The following RNFT2 variants were observed in gnomAD, a reference collection of about 807,000 sequenced individuals.
RNFT2 encodes the protein ring finger protein, transmembrane 2, also known as E3 ubiquitin-protein ligase RNFT2.
A neutral mutation model predicts 53.0 loss-of-function variants in RNFT2; 36 were observed. The ratio of observed to expected loss-of-function variants is 0.68; its 90% confidence interval spans 0.52 to 0.90. The LOEUF is 0.90. Among genes scored for constraint, RNFT2 ranks in the 40% least tolerant of loss-of-function variants. RNFT2 has a pLI of 0.00. For missense variants in RNFT2, 514 were observed against 585.6 expected (o/e 0.88, Z 1.26); for synonymous variants, 260 against 253.2 (o/e 1.03, Z -0.26).
rs191450503 is a variant in RNFT2, at chr12:116,794,814, G to C, written c.882+15466G>C. Among the ~76,000 whole-genome samples, 51 of 152,148 alleles carry C rather than the reference G, an allele frequency of 3.4e-4. 1 individual carries two copies. In the East Asian group the frequency reaches 9.7e-3, roughly 29 times the overall value. ...GCCTGCTTATTTCCCACCGCATGGAGTTCGGCTCGGCCACTGCCCCTGTCT... is the reference window on the plus strand; with the variant it reads ...GCCTGCTTATTTCCCACCGCATGGACTTCGGCTCGGCCACTGCCCCTGTCT... On this transcript the variant is annotated intron_variant, in intron 7 of 10. Coordinates refer to ENST00000257575, the MANE Select transcript of RNFT2 (RefSeq NM_001382266.1).
At chr12:116,848,074 T>C (rs6490095) in intron 10 of RNFT2, among the ~76,000 whole-genome samples, 144,218 of 152,122 alleles carry the variant, frequency 0.95, 68,433 homozygotes, top group African/African-American at 0.98. Flanking sequence ...TCAGCTCTGA[T>C]TTATGAGTGA....
At chr12:116,753,906 T>A in intron 4 of RNFT2, 78 bp from the exon 5 acceptor site, 1 of 1,081,878 alleles carries the variant, frequency 9.2e-7, no homozygotes, top group Non-Finnish European at 1.4e-6. Flanking sequence ...GATGTGCCTT[T>A]TCCCCCATGT....
At position 116,851,951 on chromosome 12, in the gene RNFT2, G is replaced by A. The variant is rs910467386; in HGVS notation, c.*2503G>A. ...TTGCCATCCCCTCTGGTAGCCTTCA[G>A]AGCAAACAGGACAACCTATGTTATG... On this transcript the variant is annotated 3_prime_UTR_variant, in exon 11 of 11. Transcript: ENST00000257575. 2 of 1,524,914 alleles carry A rather than the reference G, an allele frequency of 1.3e-6. No homozygotes were observed. The highest frequency in any genetic ancestry group is 2.8e-5 in the African/African-American group (2 of 72,600). The allele number at this position is 1,524,914 out of a possible 1,614,324, so 94.5% of individuals were successfully genotyped here. A position where few individuals can be genotyped will look rare whatever the true frequency, so the allele number is the denominator to read the frequency against.
At chr12:116,790,915 C>T (rs563528196) in intron 7 of RNFT2, among the ~76,000 whole-genome samples, 4 of 152,134 alleles carry the variant, frequency 2.6e-5, no homozygotes, top group East Asian at 1.9e-4. Flanking sequence ...GAACCCTGAT[C>T]GCAGCACTGC....
chr12:116,838,385 A>G lies in RNFT2; in HGVS notation c.1200+2103A>G, dbSNP rs139006872. ...TATGGGCATGCATCCCATTTCACAC[A>G]CACATGAGCTCTTGGTAGGATAAAT... On this transcript the variant is annotated intron_variant, in intron 10 of 10. Transcript: ENST00000257575. Among the ~76,000 whole-genome samples the G allele has an allele frequency of 3.3e-3, 501 of 152,300 alleles. 1 individual carries two copies. The highest frequency in any genetic ancestry group is 0.02 in the Middle Eastern group (6 of 294).
chr12:116,756,761 T>C (rs2137084127), intron 5 of RNFT2, among the ~76,000 whole-genome samples: 1 of 152,296 alleles, frequency 6.6e-6, no homozygotes, highest in East Asian at 1.9e-4. Flanking sequence ...AGCATCTATG[T>C]TCATCAAGGA....
chr12:116,801,795 TG>T (rs1329426622), intron 7 of RNFT2, among the ~76,000 whole-genome samples: 19 of 148,086 alleles, frequency 1.3e-4, no homozygotes, highest in African/African-American at 4.5e-4. Flanking sequence ...TTGTTTTCTG[TG>T]GGGTTTTTTT....
At chr12:116,816,358 C>T (rs1875668822) in intron 7 of RNFT2, among the ~76,000 whole-genome samples, 1 of 152,178 alleles carries the variant, frequency 6.6e-6, no homozygotes, top group Non-Finnish European at 1.5e-5. Flanking sequence ...AAGATTTTTA[C>T]TCACAGCCCA....
chr12:116,852,475 T>C lies in RNFT2; in HGVS notation c.*3027T>C. ...CTTTCAAGCTCCGTTACTATGGCGA[T>C]GGCCATGATGTTACAATCCCACTTG... On this transcript the variant is annotated 3_prime_UTR_variant, in exon 11 of 11. Transcript: ENST00000257575. 1 of 1,461,694 alleles carries C rather than the reference T, an allele frequency of 6.8e-7. No homozygotes were observed. 90.5% of individuals were successfully genotyped at this position (1,461,694 alleles called of 1,614,324 possible).
intron 6 of RNFT2, among the ~76,000 whole-genome samples, chr12:116,775,320 TG>T (rs1873385745): frequency 6.6e-6 from 1 of 150,750 alleles, no homozygotes; most frequent in Non-Finnish European, 1.5e-5. Flanking sequence ...TTGTCCTTAC[TG>T]AAGTCACCAG....
At chr12:116,781,952 G>A (rs1037650935) in intron 7 of RNFT2, among the ~76,000 whole-genome samples, 8 of 151,656 alleles carry the variant, frequency 5.3e-5, no homozygotes, top group African/African-American at 1.5e-4. Flanking sequence ...GGCAGCATGC[G>A]CCTGTAGTCC....
intron 7 of RNFT2, among the ~76,000 whole-genome samples, chr12:116,820,014 AATGAG>A (rs1330914938): frequency 1.3e-5 from 2 of 152,218 alleles, no homozygotes; most frequent in African/African-American, 2.4e-5. Flanking sequence ...TAAAATTTTT[AATGAG>A]ATATTTTACC....
At chr12:116,763,733 C>T (rs1440992444) in intron 5 of RNFT2, among the ~76,000 whole-genome samples, 7 of 149,926 alleles carry the variant, frequency 4.7e-5, no homozygotes, top group East Asian at 3.9e-4. Context: ...GAGCCGAGAT[C>T]GCGCCACTGC....
intron 7 of RNFT2, among the ~76,000 whole-genome samples, chr12:116,817,923 T>C (rs927511019): frequency 1.3e-5 from 2 of 152,210 alleles, no homozygotes; most frequent in South Asian, 2.1e-4. Context: ...TCTCATTTCA[T>C]TGGGGGAAAT....
At chr12:116,834,926 T>C (rs1876883448) in intron 8 of RNFT2, among the ~76,000 whole-genome samples, 1 of 151,778 alleles carries the variant, frequency 6.6e-6, no homozygotes, top group African/African-American at 2.4e-5. Context: ...CTTGGCTCAT[T>C]GCAACCTCCG....
intron 7 of RNFT2, among the ~76,000 whole-genome samples, chr12:116,832,419 A>G (rs1245267297): frequency 6.6e-6 from 1 of 152,116 alleles, no homozygotes; most frequent in Non-Finnish European, 1.5e-5. Context: ...ATTGCTGGAC[A>G]GTATCCTGTT....
At chr12:116,847,249 A>G (rs1168900308) in intron 10 of RNFT2, among the ~76,000 whole-genome samples, 1 of 152,108 alleles carries the variant, frequency 6.6e-6, no homozygotes, top group Admixed American at 6.5e-5. Context: ...TATTTAATAT[A>G]TGGTACATAT....
At chr12:116,830,562 A>G (rs563471846) in intron 7 of RNFT2, among the ~76,000 whole-genome samples, 4 of 152,160 alleles carry the variant, frequency 2.6e-5, no homozygotes, top group Non-Finnish European at 5.9e-5. Context: ...TGTTGGGAGT[A>G]CAGGTGTCAG....
chr12:116,775,463 G>A (rs963939213), intron 6 of RNFT2, among the ~76,000 whole-genome samples: 1 of 152,108 alleles, frequency 6.6e-6, no homozygotes, highest in Admixed American at 6.6e-5. Context: ...CCTTGGAGGC[G>A]ACACTTACCA....
Sources: gnomAD v4.1 joint callset for allele counts (sites outside exome capture counted in the v4.1 genomes callset) on GRCh38, gnomAD v4.1.1 for gene constraint, MANE v1.5 for transcripts, NCBI Gene and HGNC (gene_info 2026-07-23, HGNC 2026-07-21) for gene names.